The following NRXN3 variants were observed in gnomAD, a reference collection of about 807,000 sequenced individuals.
NRXN3 encodes neurexin III.
NRXN3 carries 32 observed loss-of-function variants against 137.6 expected under a neutral mutation model. The observed-to-expected ratio is 0.23, with a 90% confidence interval of 0.18 to 0.31. The LOEUF (loss-of-function observed/expected upper bound fraction) is 0.31. Among genes scored for constraint, NRXN3 ranks in the 10% least tolerant of loss-of-function variants. The probability of loss-of-function intolerance (pLI) is 1.00; values close to 1 mark genes in which losing one functional copy is unlikely to be tolerated. For missense variants in NRXN3, 1,574 were observed against 2,062.5 expected (o/e 0.76, Z 4.59); for synonymous variants, 798 against 784.5 (o/e 1.02, Z -0.29).
chr14:78,923,226 C>T (rs2099275928), intron 10 of NRXN3, among the ~76,000 whole-genome samples: 1 of 152,172 alleles, frequency 6.6e-6, no homozygotes, highest in African/African-American at 2.4e-5. Flanking sequence ...ATCCTGCCAA[C>T]ACTTTTTGTT....
intron 15 of NRXN3, among the ~76,000 whole-genome samples, chr14:79,450,564 C>T (rs1227630208): frequency 6.8e-6 from 1 of 146,598 alleles, no homozygotes. Context: ...TATGATTTGT[C>T]AATTAAAAAT....
At chr14:79,656,382 A>G (rs1407984889) in intron 16 of NRXN3, among the ~76,000 whole-genome samples, 1 of 152,192 alleles carries the variant, frequency 6.6e-6, no homozygotes, top group Non-Finnish European at 1.5e-5. Flanking sequence ...AGTCAAACTT[A>G]ACTACCAAAT....
At chr14:78,291,889 T>G (rs74065982) in intron 3 of NRXN3, among the ~76,000 whole-genome samples, 57 of 150,630 alleles carry the variant, frequency 3.8e-4, no homozygotes, top group Non-Finnish European at 5.7e-4. Flanking sequence ...AGAGATAACT[T>G]TTTTTTCGTC....
At chr14:78,719,154 C>G (rs930091276) in intron 8 of NRXN3, among the ~76,000 whole-genome samples, 4 of 152,212 alleles carry the variant, frequency 2.6e-5, no homozygotes, top group African/African-American at 9.6e-5. Context: ...ATGCTCTTCC[C>G]TGAATGGCTT....
intron 15 of NRXN3, among the ~76,000 whole-genome samples, chr14:79,186,120 A>G (rs986007447): frequency 6.6e-6 from 1 of 152,170 alleles, no homozygotes; most frequent in Non-Finnish European, 1.5e-5. Context: ...AAATAGTTAG[A>G]ATAGTATTTG....
chr14:78,418,521 C>G (rs193118872), intron 4 of NRXN3, among the ~76,000 whole-genome samples: 56 of 152,112 alleles, frequency 3.7e-4, no homozygotes, highest in Non-Finnish European at 6.8e-4. Flanking sequence ...ATGGGACTCC[C>G]CTTTCTTACT....
Position 79,861,341 on chromosome 14 carries a change from G to T in NRXN3, c.4094-1G>T, listed in dbSNP as rs2141957107. ...TTACACCACCTTCTCCTTGGTAACA[G>T]ATAAGAGTCTTTCCACTTCAATCTT... is the stretch of plus-strand genomic sequence containing the variant. On this transcript the variant is annotated splice_acceptor_variant, in intron 20 of 20. Coordinates refer to ENST00000335750, the MANE Select transcript of NRXN3 (RefSeq NM_001330195.2). LOFTEE classifies it high-confidence loss of function. This position sits in a 1 kb window ranked among gnomAD's most constrained non-coding sequence, Gnocchi z 5.4. 1 of 1,536,124 alleles carries T rather than the reference G, an allele frequency of 6.5e-7. No homozygotes were observed. Among genetic ancestry groups the T allele is most frequent in the Non-Finnish European group, 8.7e-7 (1 of 1,146,908 alleles).
At chr14:79,091,303 AT>A (rs2049135869) in intron 15 of NRXN3, among the ~76,000 whole-genome samples, 1 of 152,180 alleles carries the variant, frequency 6.6e-6, no homozygotes, top group Non-Finnish European at 1.5e-5. Context: ...GAATGTCAAG[AT>A]AAGAAATTTG....
chr14:78,736,170 T>C (rs1337397100), intron 8 of NRXN3, among the ~76,000 whole-genome samples: 1 of 152,280 alleles, frequency 6.6e-6, no homozygotes, highest in South Asian at 2.1e-4. Context: ...CAGATGTCAA[T>C]TTGAAATTTA....
intron 15 of NRXN3, among the ~76,000 whole-genome samples, chr14:79,238,450 G>A (rs1045516725): frequency 7.9e-5 from 12 of 152,060 alleles, no homozygotes; most frequent in Non-Finnish European, 1.6e-4. Context: ...TAGGGCCCAG[G>A]AGAGAAGGCG....
intron 4 of NRXN3, among the ~76,000 whole-genome samples, chr14:78,546,699 C>T (rs1413951326): frequency 1.3e-5 from 2 of 151,924 alleles, no homozygotes; most frequent in Admixed American, 1.3e-4. Context: ...TTACTTTGTT[C>T]CTGATGATAA....
chr14:79,664,507 G>C (rs1017086123), intron 17 of NRXN3, among the ~76,000 whole-genome samples: 10 of 152,140 alleles, frequency 6.6e-5, no homozygotes, highest in African/African-American at 2.4e-4. Context: ...AGCCTGCCTG[G>C]ATATTCAAAG....
At chr14:78,849,627 C>G (rs1220716084) in intron 10 of NRXN3, among the ~76,000 whole-genome samples, 1 of 152,010 alleles carries the variant, frequency 6.6e-6, no homozygotes, top group Non-Finnish European at 1.5e-5. Flanking sequence ...GAAAAAAATA[C>G]TATCATTTTA....
Position 79,387,492 on chromosome 14 carries a change from T to G in NRXN3, c.3263-79729T>G, listed in dbSNP as rs530045224. Reference sequence around the variant, plus strand: ...GGATGTGGAGAAATAGGAACACTTTTACACTGTTGGTGGGACTGTAAACTA... The same window carrying G: ...GGATGTGGAGAAATAGGAACACTTTGACACTGTTGGTGGGACTGTAAACTA... On this transcript the variant is annotated intron_variant, in intron 15 of 20. Transcript: ENST00000335750. Among the ~76,000 whole-genome samples, 551 of 152,236 alleles carry G rather than the reference T, an allele frequency of 3.6e-3. 19 individuals carry two copies. The South Asian group carries it at 0.065, about 18-fold the overall frequency.
At chr14:78,405,109 G>A (rs1377232070) in intron 4 of NRXN3, among the ~76,000 whole-genome samples, 2 of 152,116 alleles carry the variant, frequency 1.3e-5, no homozygotes, top group Non-Finnish European at 2.9e-5. Flanking sequence ...GAAATGTAAG[G>A]GTTACTGTAA....
chr14:79,573,764 A>T (rs1045619195), intron 16 of NRXN3, among the ~76,000 whole-genome samples: 2 of 151,872 alleles, frequency 1.3e-5, no homozygotes, highest in African/African-American at 4.8e-5. Context: ...CATGTCCGTG[A>T]TGTAGTTGCT....
At chr14:79,274,078 G>A (rs1359446234) in intron 15 of NRXN3, among the ~76,000 whole-genome samples, 11 of 149,786 alleles carry the variant, frequency 7.3e-5, no homozygotes, top group Admixed American at 6.6e-4. Context: ...CTCCAGTCTT[G>A]GTGACAGAGC....
chr14:78,613,903 A>T (rs937270924), intron 4 of NRXN3, among the ~76,000 whole-genome samples: 32 of 152,202 alleles, frequency 2.1e-4, no homozygotes, highest in African/African-American at 7.2e-4. Context: ...AATCACGGAG[A>T]ACTCAAGCAA....
chr14:78,853,747 C>T (rs1470323891), intron 10 of NRXN3, among the ~76,000 whole-genome samples: 1 of 152,142 alleles, frequency 6.6e-6, no homozygotes, highest in Non-Finnish European at 1.5e-5. Flanking sequence ...CACAGCTCTT[C>T]AGGTTCACAT....
Sources: gnomAD v4.1 joint callset for allele counts (sites outside exome capture counted in the v4.1 genomes callset) on GRCh38, gnomAD v4.1.1 for gene constraint, Gnocchi (gnomAD v3.1) non-coding constraint, MANE v1.5 for transcripts, NCBI Gene and HGNC (gene_info 2026-07-23, HGNC 2026-07-21) for gene names.